The following CLCA2 variants were observed in gnomAD, a reference collection of about 807,000 sequenced individuals.
The protein encoded by CLCA2 is calcium-activated chloride channel regulator 2.
Under a neutral mutation model 82.9 loss-of-function variants are expected in CLCA2, and 85 were observed. The observed-to-expected ratio is 1.03, with a 90% confidence interval of 0.86 to 1.23. The LOEUF (loss-of-function observed/expected upper bound fraction) is 1.23. Among genes scored for constraint, CLCA2 ranks in the 50% most tolerant of loss-of-function variants. CLCA2 has a pLI of 0.00. For synonymous variants in CLCA2, 421 were observed against 391.7 expected, an observed-to-expected ratio of 1.07 and a Z score of -0.88; for missense variants, 1,089 against 1,124.8, an observed-to-expected ratio of 0.97 and a Z score of 0.45.
intron 12 of CLCA2, 132 bp downstream of exon 12, chr1:86,450,865 C>A: frequency 1.3e-6 from 1 of 761,588 alleles, no homozygotes; most frequent in Non-Finnish European, 1.9e-6. Context: ...TAAGTCCATA[C>A]ATAATTTGTT....
chr1:86,451,086 C>A (rs146993079), intron 12 of CLCA2, among the ~76,000 whole-genome samples: 2 of 151,998 alleles, frequency 1.3e-5, no homozygotes, highest in East Asian at 3.9e-4. Context: ...GAGAAAGAGG[C>A]AAAAAGTTAT....
intron 13 of CLCA2, among the ~76,000 whole-genome samples, chr1:86,454,763 A>G (rs1372870363): frequency 6.6e-6 from 1 of 152,136 alleles, no homozygotes; most frequent in Admixed American, 6.5e-5. Context: ...CTGCACTCCA[A>G]CCTGGACAAC....
intron 3 of CLCA2, among the ~76,000 whole-genome samples, chr1:86,430,259 C>G (rs1400920751): frequency 6.6e-6 from 1 of 152,040 alleles, no homozygotes; most frequent in Non-Finnish European, 1.5e-5. Context: ...GACCTAGGAG[C>G]TGTAAAATAC....
chr1:86,433,682 C>G (rs1362691553), intron 5 of CLCA2, among the ~76,000 whole-genome samples: 2 of 152,198 alleles, frequency 1.3e-5, no homozygotes, highest in African/African-American at 4.8e-5. Context: ...AAACCAGATT[C>G]TGTTCCAGTC....
intron 12 of CLCA2, among the ~76,000 whole-genome samples, chr1:86,452,176 C>CTTTTTTT (rs753484167): frequency 2.3e-4 from 10 of 43,936 alleles, no homozygotes; most frequent in East Asian, 8.2e-4. Flanking sequence ...AACCTGGAAG[C>CTTTTTTT]TTTTTTTTTT....
intron 13 of CLCA2, among the ~76,000 whole-genome samples, chr1:86,454,064 C>A (rs1357685343): frequency 6.6e-6 from 1 of 152,160 alleles, no homozygotes; most frequent in South Asian, 2.1e-4. Flanking sequence ...TGGGACCAGT[C>A]CCCTGATTCA....
At chr1:86,451,710 C>A (rs1408985546) in intron 12 of CLCA2, among the ~76,000 whole-genome samples, 1 of 152,158 alleles carries the variant, frequency 6.6e-6, no homozygotes, top group Non-Finnish European at 1.5e-5. Context: ...GGTTTTGAAA[C>A]CCAGCTCCTC....
chr1:86,424,508 C>G (rs1662350470), intron 1 of CLCA2, 75 bp downstream of exon 1: 5 of 1,292,136 alleles, frequency 3.9e-6, no homozygotes, highest in East Asian at 2.4e-5. Context: ...AGCTAACTAC[C>G]CTGCCTGGTT....
In CLCA2 at chr1:86,428,418, G is replaced by A. The variant is rs779103755; in HGVS notation, c.325G>A (p.Ala109Thr). 4 of 1,587,210 alleles carry A rather than the reference G, an allele frequency of 2.5e-6. No homozygotes were observed. The highest frequency in any genetic ancestry group is 3.4e-6 in the Non-Finnish European group (4 of 1,167,342). ...SKIKQESYEK[A>T]NVIVTDWYGA... ...TTACAAGGCATTTCTTTTAATTTAG[G>A]CAAATGTCATAGTGACTGACTGGTA... Residue 109 changes from alanine to threonine, a missense_variant and splice_region_variant, in exon 3 of 14, where the codon GCA becomes ACA. By Grantham distance (58) the Ala-to-Thr change is moderately conservative. Coordinates refer to ENST00000370565, the MANE Select transcript of CLCA2 (RefSeq NM_006536.7).
intron 9 of CLCA2, 152 bp downstream of exon 9, chr1:86,441,695 C>G: frequency 1.8e-6 from 1 of 542,468 alleles, no homozygotes; most frequent in South Asian, 2.7e-5. Context: ...TGCTTGGCAT[C>G]ACCAGAGCCA....
At chr1:86,426,032 G>A (rs953206761) in intron 2 of CLCA2, among the ~76,000 whole-genome samples, 2 of 152,112 alleles carry the variant, frequency 1.3e-5, no homozygotes, top group Admixed American at 6.6e-5. Context: ...TAGGGGAATG[G>A]CTACCTTTTT....
chr1:86,434,644 A>C lies in CLCA2; in HGVS notation c.871A>C (p.Met291Leu). The C allele has an allele frequency of 6.2e-7, 1 of 1,614,092 alleles. No homozygotes were observed. The highest frequency in any genetic ancestry group is 2.2e-5 in the East Asian group (1 of 44,884). Residue 291 changes from methionine (M) to leucine (L), a missense_variant, in exon 6 of 14, where the codon ATG (methionine) becomes CTG (leucine). Physicochemically the swap from Met to Leu is conservative, Grantham distance 15. Coordinates refer to ENST00000370565, the MANE Select transcript of CLCA2 (RefSeq NM_006536.7). ...DSADFHHSFP[M>L]NGTELPPPPT... is the part of the protein sequence containing the mutation. ...TGCTGACTTTCACCACAGCTTTCCC[A>C]TGAATGGGACTGAGCTTCCACCTCC...
chr1:86,450,133 AC>A (rs1302838975), intron 11 of CLCA2, among the ~76,000 whole-genome samples: 1 of 152,080 alleles, frequency 6.6e-6, no homozygotes, highest in African/African-American at 2.4e-5. Context: ...GCATTCATAA[AC>A]CCTTGAAACT....
chr1:86,447,881 A>T (rs1334427254), intron 11 of CLCA2, 103 bp downstream of exon 11: 12 of 1,160,556 alleles, frequency 1.0e-5, no homozygotes, highest in Non-Finnish European at 1.3e-5. Context: ...CTTGAGTTCA[A>T]TTTTTTTTTA....
chr1:86,440,482 T>C (rs967968117), intron 8 of CLCA2, among the ~76,000 whole-genome samples, 157 bp downstream of exon 8: 19 of 151,118 alleles, frequency 1.3e-4, no homozygotes, highest in African/African-American at 4.4e-4. Context: ...AAAATTTTGC[T>C]GATTTTTTTT....
chr1:86,441,460 G>A lies in CLCA2; in HGVS notation c.1405G>A (p.Asp469Asn). The A allele has an allele frequency of 6.2e-7, 1 of 1,607,446 alleles. No individual in the cohort carries two copies. Among genetic ancestry groups the A allele is most frequent in the Non-Finnish European group, 8.5e-7 (1 of 1,174,990 alleles). ...AGGAGGTTTAAAGTTCTTTGTTCCA[G>A]ATATATCAAACTCCAATAGCATGAT... Reference protein sequence around the residue: ...LTGGLKFFVPDISNSNSMIDA... With the variant: ...LTGGLKFFVPNISNSNSMIDA... The change falls in exon 9 of 14, where the codon GAT becomes AAT. Residue 469 changes from aspartate (D) to asparagine (N), a missense_variant. By Grantham distance (23) the Asp-to-Asn change is conservative (BLOSUM62 1). Coordinates refer to ENST00000370565, the MANE Select transcript of CLCA2 (RefSeq NM_006536.7).
intron 4 of CLCA2, among the ~76,000 whole-genome samples, chr1:86,431,871 G>T (rs1000632187): frequency 1.3e-5 from 2 of 152,168 alleles, no homozygotes; most frequent in Non-Finnish European, 2.9e-5. Context: ...AAAATAGAGT[G>T]CATTTCTAAA....
intron 3 of CLCA2, 21 bp downstream of exon 3, chr1:86,428,589 A>G: frequency 6.2e-7 from 1 of 1,609,228 alleles, no homozygotes; most frequent in East Asian, 2.2e-5. Context: ...CCAATAAAAC[A>G]ATAGCCATTG....
rs372238766 is a variant in CLCA2 at position 86,444,018 on chromosome 1, G to A, written c.1713+7G>A. The A allele has an allele frequency of 5.4e-5, 86 of 1,581,358 alleles. 1 individual carries two copies. The highest frequency in any genetic ancestry group is 7.1e-5 in the Non-Finnish European group (82 of 1,150,830). ...GATTCCAGGAACAGCTAAGGTAGGT[G>A]TTGTGAGTTTGTTCCTAAGGACAAC... On this transcript the variant is annotated splice_region_variant and intron_variant, in intron 10 of 13. Coordinates refer to ENST00000370565, the MANE Select transcript of CLCA2 (RefSeq NM_006536.7).
Sources: gnomAD v4.1 joint callset for allele counts (sites outside exome capture counted in the v4.1 genomes callset) on GRCh38, gnomAD v4.1.1 for gene constraint, MANE v1.5 for transcripts, NCBI Gene and HGNC (gene_info 2026-07-23, HGNC 2026-07-21) for gene names.